CPNE3: variants seen among roughly 807,000 people sequenced by gnomAD.
CPNE3 encodes the protein copine 3.
In CPNE3, 68 loss-of-function variants were observed where a neutral mutation model predicts 63.9. That is an observed-to-expected ratio of 1.06 (90% CI 0.87 to 1.30). The LOEUF is 1.30. CPNE3 is among the 50% of genes most tolerant of loss of function. The pLI is 0.00. For synonymous variants in CPNE3, 219 were observed against 197.5 expected, an observed-to-expected ratio of 1.11 and a Z score of -0.91; for missense variants, 665 against 578.1, an observed-to-expected ratio of 1.15 and a Z score of -1.54.
intron 15 of CPNE3, among the ~76,000 whole-genome samples, chr8:86,555,281 C>T (rs944750167): frequency 6.6e-6 from 1 of 150,806 alleles, no homozygotes; most frequent in Non-Finnish European, 1.5e-5. Flanking sequence ...GTAGACATAA[C>T]AAATTAAGCT....
At chr8:86,531,131 T>C (rs562348920) in intron 4 of CPNE3, 24 bp from the exon 5 acceptor site, 1 of 948,026 alleles carries the variant, frequency 1.1e-6, no homozygotes, top group Non-Finnish European at 1.8e-6. Flanking sequence ...GAAATGACTC[T>C]GTATCACTTT....
intron 6 of CPNE3, among the ~76,000 whole-genome samples, chr8:86,533,012 C>T (rs1191027717): frequency 6.9e-6 from 1 of 145,968 alleles, no homozygotes; most frequent in Non-Finnish European, 1.5e-5. Context: ...TATAATAATT[C>T]TTTTATCTAT....
intron 2 of CPNE3, among the ~76,000 whole-genome samples, chr8:86,524,511 TTGTCTAATCC>T (rs1820498273): frequency 6.6e-6 from 1 of 152,260 alleles, no homozygotes; most frequent in Admixed American, 6.5e-5. Context: ...AGGGAAGCTG[TTGTCTAATCC>T]TAGGGATTAT....
Position 86,532,591 on chromosome 8 carries a change from T to A in CPNE3, c.459+11T>A. 6.2e-7 allele frequency: 1 copy of A among 1,603,688 alleles called. No homozygotes were observed. Among genetic ancestry groups the A allele is most frequent in the Non-Finnish European group, 8.5e-7 (1 of 1,175,964 alleles). ...AAACTGGATAATAAGGTGGGTAGAC[T>A]ATGCAGATTTCAAAAAGGTTGTCAT... is the stretch of plus-strand genomic sequence containing the variant. On this transcript the variant is annotated intron_variant, in intron 6 of 16. Transcript: ENST00000517490.
chr8:86,539,604 T>A (rs1342532816), intron 7 of CPNE3, among the ~76,000 whole-genome samples: 2 of 151,950 alleles, frequency 1.3e-5, no homozygotes, highest in Non-Finnish European at 2.9e-5. Context: ...CATATTTGAA[T>A]CTTCTGTGCC....
At chr8:86,521,739 A>G (rs1360344454) in intron 2 of CPNE3, 2 of 152,136 alleles carry the variant, frequency 1.3e-5, no homozygotes, top group Non-Finnish European at 2.9e-5. Context: ...CTTTTTGAAG[A>G]AATTTATATT....
rs1350973061 is a variant in CPNE3, at chr8:86,555,921, G to A, written c.1255-181G>A. The stretch of plus-strand genomic sequence containing the variant: ...GGTCTGCTGCGCTTTTAATGAACCT[G>A]CAGTTTTTGTAAGAGTCAATTTCCT... On this transcript the variant is annotated intron_variant, in intron 15 of 16. Transcript: ENST00000517490. Among the ~76,000 whole-genome samples the A allele has an allele frequency of 5.9e-5, 9 of 152,130 alleles. No individual in the cohort carries two copies. The South Asian group carries it at 1.0e-3, about 17-fold the overall frequency.
At chr8:86,547,440 A>G (rs1821076440) in intron 10 of CPNE3, 1 of 318,320 alleles carries the variant, frequency 3.1e-6, no homozygotes. Context: ...TATTGGATTC[A>G]TTACTAATAT....
At chr8:86,516,799 C>T (rs529353291) in intron 2 of CPNE3, among the ~76,000 whole-genome samples, 19 of 152,202 alleles carry the variant, frequency 1.2e-4, no homozygotes, top group Non-Finnish European at 2.1e-4. Context: ...CTTTTTTCCT[C>T]CCTTTCAAAT....
At chr8:86,532,418 C>A in intron 5 of CPNE3, 91 bp from the exon 6 acceptor site, 1 of 849,512 alleles carries the variant, frequency 1.2e-6, no homozygotes, top group Non-Finnish European at 1.8e-6. Flanking sequence ...TTAGTGTAGG[C>A]TTTATATTAG....
In CPNE3 at chr8:86,561,404, C is replaced by G. The variant is rs1309242029; in HGVS notation, c.*2994C>G. The stretch of plus-strand genomic sequence containing the variant: ...GAATTCCTTTTGGATAAAGTTATTT[C>G]TTGATGTGACAGAGTAGTGTGTTTT... On this transcript the variant is annotated 3_prime_UTR_variant, in exon 17 of 17. Coordinates refer to ENST00000517490, the MANE Select transcript of CPNE3 (RefSeq NM_003909.5). The G allele has an allele frequency of 8.5e-5, 13 of 152,148 alleles. No individual in the cohort carries two copies. Among genetic ancestry groups the G allele is most frequent in the Admixed American group, 8.5e-4 (13 of 15,280 alleles). 9.4% of individuals were successfully genotyped at this position (152,148 alleles called of 1,614,324 possible). A position where few individuals can be genotyped will look rare whatever the true frequency, so the allele number is the denominator to read the frequency against.
intron 2 of CPNE3, among the ~76,000 whole-genome samples, 167 bp from the exon 3 acceptor site, chr8:86,528,369 G>A (rs1820585387): frequency 1.3e-5 from 2 of 152,196 alleles, no homozygotes; most frequent in Non-Finnish European, 2.9e-5. Context: ...TGAGCTAATA[G>A]ACACCCACAT....
At chr8:86,526,673 C>T (rs542424590) in intron 2 of CPNE3, among the ~76,000 whole-genome samples, 14 of 152,138 alleles carry the variant, frequency 9.2e-5, no homozygotes, top group African/African-American at 3.4e-4. Context: ...CCACCACACC[C>T]AGCTAGTTTT....
rs150493307 is a variant in CPNE3, at chr8:86,516,216, G to T, written c.-11+717G>T. Among the ~76,000 whole-genome samples the T allele has an allele frequency of 9.6e-4, 146 of 152,298 alleles. 1 individual carries two copies. The East Asian group carries it at 0.026, about 28-fold the overall frequency. On this transcript the variant is annotated intron_variant, in intron 2 of 16. Coordinates refer to ENST00000517490, the MANE Select transcript of CPNE3 (RefSeq NM_003909.5). ...TGGCACAAACCCCACAATGAAGTCT[G>T]CAGTTCTCTTTCAGGATTTCTTCTT... is the stretch of plus-strand genomic sequence containing the variant.
At chr8:86,557,976 A>C (rs1866905) in intron 16 of CPNE3, among the ~76,000 whole-genome samples, 12,966 of 152,282 alleles carry the variant, frequency 0.085, 804 homozygotes, top group East Asian at 0.3. Context: ...AAAGTAAAAA[A>C]AAATTAATAC....
At chr8:86,550,330 C>G (rs898646323) in intron 12 of CPNE3, among the ~76,000 whole-genome samples, 6 of 152,126 alleles carry the variant, frequency 3.9e-5, no homozygotes, top group African/African-American at 1.4e-4. Flanking sequence ...TTCACTGCAG[C>G]CTCCACTTCC....
intron 2 of CPNE3, among the ~76,000 whole-genome samples, chr8:86,522,102 G>T (rs1236203195): frequency 6.6e-6 from 1 of 152,176 alleles, no homozygotes; most frequent in Non-Finnish European, 1.5e-5. Context: ...CTGGTAGTCA[G>T]TAGCAATAAT....
intron 4 of CPNE3, 97 bp downstream of exon 4, chr8:86,529,221 A>G (rs904110054): frequency 3.0e-6 from 3 of 1,000,910 alleles, no homozygotes; most frequent in Non-Finnish European, 4.5e-6. Flanking sequence ...TTAAAGTTGA[A>G]AAACATGTAA....
chr8:86,523,184 T>C (rs537822170), intron 2 of CPNE3, among the ~76,000 whole-genome samples: 59 of 152,236 alleles, frequency 3.9e-4, no homozygotes, highest in Non-Finnish European at 6.9e-4. Context: ...GGGTTTTTAT[T>C]AAGTTTATTT....
Sources: gnomAD v4.1 joint callset for allele counts (sites outside exome capture counted in the v4.1 genomes callset) on GRCh38, gnomAD v4.1.1 for gene constraint, MANE v1.5 for transcripts, NCBI Gene and HGNC (gene_info 2026-07-23, HGNC 2026-07-21) for gene names.